The following KMT5A variants were observed in gnomAD, a reference collection of about 807,000 sequenced individuals.
The protein encoded by KMT5A is N-lysine methyltransferase KMT5A.
A neutral mutation model predicts 40.6 loss-of-function variants in KMT5A; 6 were observed. That is an observed-to-expected ratio of 0.15 (90% CI 0.08 to 0.29). The LOEUF is 0.29. Among genes scored for constraint, KMT5A ranks in the 10% least tolerant of loss-of-function variants. The pLI is 1.00. For missense variants in KMT5A, 308 were observed against 459.1 expected, an observed-to-expected ratio of 0.67 and a Z score of 3.01; for synonymous variants, 153 against 178.8, an observed-to-expected ratio of 0.86 and a Z score of 1.15.
chr12:123,401,271 C>T (rs567310123), intron 5 of KMT5A, among the ~76,000 whole-genome samples: 4 of 148,824 alleles, frequency 2.7e-5, no homozygotes, highest in African/African-American at 9.9e-5. Context: ...GCCTCAGCCT[C>T]CCGAGTAGCT....
At chr12:123,405,517 CTTTTTTTTT>C (rs35093204) in intron 7 of KMT5A, among the ~76,000 whole-genome samples, 3 of 78,026 alleles carry the variant, frequency 3.8e-5, no homozygotes, top group African/African-American at 5.8e-5. Context: ...CGCCTGCTTC[CTTTTTTTTT>C]TTTTTTTTTT....
chr12:123,401,573 GT>G (rs535552781), intron 5 of KMT5A, among the ~76,000 whole-genome samples: 1 of 147,662 alleles, frequency 6.8e-6, no homozygotes, highest in African/African-American at 2.5e-5. Flanking sequence ...TTATGGGAAG[GT>G]TTTTTTTTGT....
At position 123,409,133 on chromosome 12, in the gene KMT5A, C is replaced by G. The variant is rs1344819730; in HGVS notation, c.*1430C>G. 1.3e-5 allele frequency: 2 copies of G among 152,456 alleles called. No individual in the cohort carries two copies. Among genetic ancestry groups the G allele is most frequent in the Non-Finnish European group, 2.9e-5 (2 of 68,030 alleles). 9.4% of individuals were successfully genotyped at this position (152,456 alleles called of 1,614,324 possible). On this transcript the variant is annotated 3_prime_UTR_variant, in exon 8 of 8. Coordinates refer to ENST00000402868, the MANE Select transcript of KMT5A (RefSeq NM_020382.7). ...ATTCCCCCCCAACCCCACCTCGGGC[C>G]TCACGACGGTGCTACCTAAGAAAGT... is the stretch of plus-strand genomic sequence containing the variant.
In KMT5A at chr12:123,390,632, G is replaced by T; in HGVS notation, c.135G>T (p.Glu45Asp). Residue 45 changes from glutamate to aspartate, a missense_variant and splice_region_variant, in exon 3 of 8, where the codon GAG (glutamate) becomes GAT (aspartate). By Grantham distance (45) the Glu-to-Asp change is conservative. This residue lies in a region of KMT5A where 92 missense variants were observed against 78.3 expected (regional missense o/e 1.18). Coordinates refer to ENST00000402868, the MANE Select transcript of KMT5A (RefSeq NM_020382.7). The part of the protein sequence containing the change: ...RGPGRPRTDG[E>D]NVFTGQSKIY... ...AGAATATGCTTTTGTCTTTTTAGGA[G>T]AACGTATTTACCGGGCAGTCAAAGA... 1.2e-6 allele frequency: 2 copies of T among 1,613,490 alleles called. No individual in the cohort carries two copies. The highest frequency in any genetic ancestry group is 1.7e-6 in the Non-Finnish European group (2 of 1,179,718).
rs76601680 is a variant in KMT5A at position 123,402,217 on chromosome 12, G to A, written c.598-1356G>A. 3.6e-3 allele frequency among the ~76,000 whole-genome samples: 542 copies of A among 152,338 alleles called. 5 individuals are homozygous for A. The highest frequency in any genetic ancestry group is 0.013 in the African/African-American group (521 of 41,580). On this transcript the variant is annotated intron_variant, in intron 5 of 7. Transcript: ENST00000402868. ...TTTAAAAGACCCCTCTGGCTACCTTGTGGAGAACTGAGTGTTCCCTGGGGT... is the reference window on the plus strand; with the variant it reads ...TTTAAAAGACCCCTCTGGCTACCTTATGGAGAACTGAGTGTTCCCTGGGGT...
intron 1 of KMT5A, among the ~76,000 whole-genome samples, chr12:123,386,013 G>C (rs1380941075): frequency 6.6e-6 from 1 of 152,024 alleles, no homozygotes; most frequent in East Asian, 1.9e-4. Context: ...CTGGGTCTTT[G>C]CTTGTGCCAC....
chr12:123,407,602 C>G lies in KMT5A; in HGVS notation c.958C>G (p.Leu320Val), dbSNP rs1278173708. The change falls in exon 8 of 8, where the codon CTC (leucine) becomes GTC (valine). Residue 320 changes from leucine to valine, a missense_variant. Physicochemically the swap from Leu to Val is conservative, Grantham distance 32 (BLOSUM62 1). This residue lies in a region of KMT5A where 77 missense variants were observed against 220.0 expected (regional missense o/e 0.35). Transcript: ENST00000402868. ...CATCGACGGCGTACCTCACCTCATCCTCATCGCCTCCCGAGACATCGCGGC... is the reference window on the plus strand; with the variant it reads ...CATCGACGGCGTACCTCACCTCATCGTCATCGCCTCCCGAGACATCGCGGC... Reference protein sequence around the residue: ...HDIDGVPHLILIASRDIAAGE... With the variant: ...HDIDGVPHLIVIASRDIAAGE... 1 of 1,613,938 alleles carries G rather than the reference C, an allele frequency of 6.2e-7. No homozygotes were observed. The highest frequency in any genetic ancestry group is 1.1e-5 in the South Asian group (1 of 91,074).
At chr12:123,391,927 T>C (rs1877346246) in intron 3 of KMT5A, among the ~76,000 whole-genome samples, 1 of 152,202 alleles carries the variant, frequency 6.6e-6, no homozygotes, top group Non-Finnish European at 1.5e-5. Context: ...TCTCCCCTGG[T>C]ACACAGGGCA....
intron 5 of KMT5A, among the ~76,000 whole-genome samples, chr12:123,400,559 C>T (rs1473978437): frequency 1.3e-5 from 2 of 151,702 alleles, no homozygotes; most frequent in Non-Finnish European, 1.5e-5. Flanking sequence ...CAGAGTTTCA[C>T]CATGTTGGTC....
intron 1 of KMT5A, 21 bp from the exon 2 acceptor site, chr12:123,389,412 C>G (rs1039986991): frequency 1.6e-5 from 17 of 1,045,326 alleles, no homozygotes; most frequent in Non-Finnish European, 1.8e-5. Flanking sequence ...TCCCCCGCTT[C>G]CCCCGGGTCC....
chr12:123,395,962 C>T (rs1877691883), intron 4 of KMT5A, among the ~76,000 whole-genome samples: 1 of 152,200 alleles, frequency 6.6e-6, no homozygotes, highest in Admixed American at 6.5e-5. Flanking sequence ...CCTCCTACTT[C>T]AGCCTCCCGA....
Position 123,384,189 on chromosome 12 carries a change from G to A in KMT5A, c.-10G>A. ...TCCCGGGAGATCCCAGGCGGTGACA[G>A]AGTGGAGCCATGGCTAGAGGTATTT... is the stretch of plus-strand genomic sequence containing the variant. On this transcript the variant is annotated 5_prime_UTR_variant, in exon 1 of 8. Transcript: ENST00000402868. This position sits in a 1 kb window ranked among gnomAD's most constrained non-coding sequence, Gnocchi z 5.7. 1 of 1,613,614 alleles carries A rather than the reference G, an allele frequency of 6.2e-7. No individual in the cohort carries two copies. The highest frequency in any genetic ancestry group is 8.5e-7 in the Non-Finnish European group (1 of 1,179,754).
intron 1 of KMT5A, among the ~76,000 whole-genome samples, chr12:123,387,174 C>T (rs1240619335): frequency 6.6e-6 from 1 of 152,102 alleles, no homozygotes. Flanking sequence ...TTGTTATATA[C>T]GTATAAACTT....
Position 123,384,526 on chromosome 12 carries a change from C to T in KMT5A, c.10+318C>T, listed in dbSNP as rs1876749337. ...TGGAAACTAAAGCGCAGGGCACCTC[C>T]AGGGAATAGGTGTTATTGATAGAAG... On this transcript the variant is annotated intron_variant, in intron 1 of 7. Coordinates refer to ENST00000402868, the MANE Select transcript of KMT5A (RefSeq NM_020382.7). This position sits in a 1 kb window ranked among gnomAD's most constrained non-coding sequence, Gnocchi z 5.7. 1.3e-5 allele frequency among the ~76,000 whole-genome samples: 2 copies of T among 152,268 alleles called. No homozygotes were observed. Among genetic ancestry groups the T allele is most frequent in the Admixed American group, 6.5e-5 (1 of 15,290 alleles).
At position 123,384,220 on chromosome 12, in the gene KMT5A, A is replaced by C. The variant is rs776741332; in HGVS notation, c.10+12A>C. 1.2e-6 allele frequency: 2 copies of C among 1,613,146 alleles called. No homozygotes were observed. Among genetic ancestry groups the C allele is most frequent in the Non-Finnish European group, 1.7e-6 (2 of 1,179,670 alleles). Reference sequence around the variant, plus strand: ...AGCCATGGCTAGAGGTATTTGCCCAAGTGGCCGGCACCGGAGCGGCTGGGT... The same window carrying C: ...AGCCATGGCTAGAGGTATTTGCCCACGTGGCCGGCACCGGAGCGGCTGGGT... On this transcript the variant is annotated intron_variant, in intron 1 of 7. Transcript: ENST00000402868. This position sits in a 1 kb window ranked among gnomAD's most constrained non-coding sequence, Gnocchi z 5.7.
chr12:123,396,196 G>A, intron 4 of KMT5A, 149 bp from the exon 5 acceptor site: 1 of 675,680 alleles, frequency 1.5e-6, no homozygotes, highest in Non-Finnish European at 2.5e-6. Context: ...AGGTGACTGA[G>A]TGACCTGCAG....
intron 7 of KMT5A, 109 bp downstream of exon 7, chr12:123,405,183 T>C: frequency 8.4e-7 from 1 of 1,185,940 alleles, no homozygotes; most frequent in Non-Finnish European, 1.1e-6. Flanking sequence ...TTGGTTTTGT[T>C]GTTGTTGACT....
At position 123,395,122 on chromosome 12, in the gene KMT5A, G is replaced by A. The variant is rs1877603685; in HGVS notation, c.365G>A (p.Gly122Asp). 1.2e-6 allele frequency: 2 copies of A among 1,606,188 alleles called. No individual in the cohort carries two copies. The highest frequency in any genetic ancestry group is 1.3e-5 in the African/African-American group (1 of 74,740). ...EEQKIKDARKGPLVPFPNQKS... is the reference protein window; with the variant it reads ...EEQKIKDARKDPLVPFPNQKS... ...CAGAAGATCAAAGACGCCAGGAAAG[G>A]TCCCCTGGTACCTTTTCCAAACCAA... is the stretch of plus-strand genomic sequence containing the variant. The change falls in exon 4 of 8, where the codon GGT (glycine) becomes GAT (aspartate). Residue 122 changes from glycine to aspartate, a missense_variant. Physicochemically the swap from Gly to Asp is moderately conservative, Grantham distance 94. Transcript: ENST00000402868.
At position 123,408,311 on chromosome 12, in the gene KMT5A, C is replaced by A. The variant is rs1272574162; in HGVS notation, c.*608C>A. ...AGCACGGGCCGGGCATAGATTTCCT[C>A]TTCCACAAGCTGCCGCTTTTCTGGG... On this transcript the variant is annotated 3_prime_UTR_variant, in exon 8 of 8. Coordinates refer to ENST00000402868, the MANE Select transcript of KMT5A (RefSeq NM_020382.7). 6.6e-6 allele frequency: 1 copy of A among 152,626 alleles called. No homozygotes were observed. The highest frequency in any genetic ancestry group is 1.5e-5 in the Non-Finnish European group (1 of 68,050). 9.5% of individuals were successfully genotyped at this position (152,626 alleles called of 1,614,324 possible).
Sources: gnomAD v4.1 joint callset for allele counts (sites outside exome capture counted in the v4.1 genomes callset) on GRCh38, gnomAD v4.1.1 for gene constraint, gnomAD v4.1.1 regional missense constraint, Gnocchi (gnomAD v3.1) non-coding constraint, MANE v1.5 for transcripts, NCBI Gene and HGNC (gene_info 2026-07-23, HGNC 2026-07-21) for gene names.